Variants in CTDP1 observed in about 807,000 individuals in gnomAD.
CTDP1 encodes the protein CTD phosphatase 1, also known as RNA polymerase II subunit A C-terminal domain phosphatase.
Under a neutral mutation model 91.8 loss-of-function variants are expected in CTDP1, and 47 were observed. That is an observed-to-expected ratio of 0.51 (90% CI 0.41 to 0.65). CTDP1 has a LOEUF of 0.65. Ranked by LOEUF, CTDP1 falls within the 30% of genes least tolerant of loss-of-function variation. CTDP1 has a pLI of 0.00. For missense variants in CTDP1, 1,272 were observed against 1,373.7 expected (o/e 0.93, Z 1.17); for synonymous variants, 656 against 598.5 (o/e 1.10, Z -1.40).
At chr18:79,682,638 C>T (rs1231488037) in intron 1 of CTDP1, among the ~76,000 whole-genome samples, 1 of 152,204 alleles carries the variant, frequency 6.6e-6, no homozygotes, top group Admixed American at 6.5e-5. Context: ...ACACTGTTTG[C>T]TGGGTGTGGA....
chr18:79,702,063 C>G (rs1411541611), intron 4 of CTDP1, among the ~76,000 whole-genome samples: 2 of 152,242 alleles, frequency 1.3e-5, no homozygotes, highest in Admixed American at 1.3e-4. Context: ...AGTTGGTAAA[C>G]CAGCGGCAGG....
chr18:79,716,663 G>A (rs1006916554), intron 8 of CTDP1, among the ~76,000 whole-genome samples: 13 of 152,236 alleles, frequency 8.5e-5, no homozygotes, highest in African/African-American at 3.1e-4. Context: ...ATGGAGCTGG[G>A]CCAGGCCAGG....
intron 12 of CTDP1, among the ~76,000 whole-genome samples, 180 bp from the exon 13 acceptor site, chr18:79,753,472 C>T (rs2087040383): frequency 1.3e-5 from 2 of 152,238 alleles, no homozygotes; most frequent in African/African-American, 4.8e-5. Flanking sequence ...TGCGCTGGGG[C>T]TCTGCTGTCC....
chr18:79,739,278 T>C (rs1390831188), intron 12 of CTDP1, among the ~76,000 whole-genome samples: 1 of 152,218 alleles, frequency 6.6e-6, no homozygotes, highest in Non-Finnish European at 1.5e-5. Context: ...AGCCACGTCA[T>C]CCAGGATACG....
At chr18:79,686,534 A>G (rs1305614755) in intron 1 of CTDP1, among the ~76,000 whole-genome samples, 1 of 152,276 alleles carries the variant, frequency 6.6e-6, no homozygotes, top group East Asian at 1.9e-4. Flanking sequence ...TTAAATATAC[A>G]TCTAGCATCA....
chr18:79,680,525 C>G (rs564054883), intron 1 of CTDP1, among the ~76,000 whole-genome samples: 4 of 152,266 alleles, frequency 2.6e-5, no homozygotes, highest in Non-Finnish European at 4.4e-5. Flanking sequence ...TTGTTTCTTT[C>G]TTTCTGCAGT....
At chr18:79,725,881 C>T (rs993035395) in intron 10 of CTDP1, among the ~76,000 whole-genome samples, 4 of 152,200 alleles carry the variant, frequency 2.6e-5, no homozygotes, top group Non-Finnish European at 5.9e-5. Flanking sequence ...GATGAGTGAT[C>T]TTCTGTCTTT....
At chr18:79,731,286 G>A (rs747766420) in intron 11 of CTDP1, among the ~76,000 whole-genome samples, 3 of 152,202 alleles carry the variant, frequency 2.0e-5, no homozygotes, top group Non-Finnish European at 4.4e-5. Context: ...TTTCCGGCGC[G>A]TCAGTGTGTT....
intron 8 of CTDP1, among the ~76,000 whole-genome samples, chr18:79,716,775 G>A (rs767859305): frequency 3.3e-5 from 5 of 152,254 alleles, no homozygotes; most frequent in Non-Finnish European, 5.9e-5. Flanking sequence ...TTGTGCTCAC[G>A]TTTCCTTTTT....
intron 10 of CTDP1, among the ~76,000 whole-genome samples, chr18:79,727,428 G>T (rs1439930186): frequency 6.6e-6 from 1 of 151,596 alleles, no homozygotes; most frequent in African/African-American, 2.4e-5. Context: ...AGCGTTCGTG[G>T]GGTGGGAAGC....
chr18:79,706,982 G>T (rs1202382907), intron 5 of CTDP1, among the ~76,000 whole-genome samples: 1 of 152,248 alleles, frequency 6.6e-6, no homozygotes, highest in Non-Finnish European at 1.5e-5. Flanking sequence ...TTCTCATTTC[G>T]GATTTCCTTC....
At chr18:79,705,389 G>A (rs2085947018) in intron 5 of CTDP1, among the ~76,000 whole-genome samples, 1 of 152,204 alleles carries the variant, frequency 6.6e-6, no homozygotes, top group Non-Finnish European at 1.5e-5. Context: ...CCTCTGGGAG[G>A]CAGCACCAGC....
chr18:79,714,549 G>T lies in CTDP1; in HGVS notation c.1089G>T (p.Glu363Asp). Residue 363 changes from glutamate (E) to aspartate (D), a missense_variant, in exon 8 of 13, where the codon GAG (glutamate) becomes GAT (aspartate). Glu to Asp is a conservative substitution (Grantham distance 45). Around this residue, in one of 3 missense-constraint regions of CTDP1, gnomAD observed 881 missense variants for 911.6 expected, o/e 0.97. Transcript: ENST00000613122. ...SEPSPPVRDP[E>D]GVTQAPGVEP... is the part of the protein sequence containing the mutation. The stretch of plus-strand genomic sequence containing the variant: ...CATCTCCGCCCGTGAGAGACCCTGA[G>T]GGGGTAACGCAGGCCCCTGGAGTGG... The T allele has an allele frequency of 6.2e-7, 1 of 1,613,148 alleles. No homozygotes were observed. Among genetic ancestry groups the T allele is most frequent in the Non-Finnish European group, 8.5e-7 (1 of 1,180,026 alleles).
Position 79,714,615 on chromosome 18 carries a change from C to G in CTDP1, c.1155C>G (p.Asn385Lys), listed in dbSNP as rs745490279. The G allele has an allele frequency of 3.1e-6, 5 of 1,612,872 alleles. No individual in the cohort carries two copies. The highest frequency in any genetic ancestry group is 1.7e-4 in the Middle Eastern group (1 of 6,054). ...NGLEKPAREL[N>K]GSEAATPRDS... ...TGGAGAAGCCTGCACGGGAGCTGAA[C>G]GGCAGCGAGGCCGCCACCCCGCGGG... The change falls in exon 8 of 13, where the codon AAC (asparagine) becomes AAG (lysine). Residue 385 changes from asparagine (N) to lysine (K), a missense_variant. Asn to Lys is a moderately conservative substitution (Grantham distance 94). Around this residue, in one of 3 missense-constraint regions of CTDP1, gnomAD observed 881 missense variants for 911.6 expected, o/e 0.97. Coordinates refer to ENST00000613122, the MANE Select transcript of CTDP1 (RefSeq NM_004715.5).
chr18:79,684,515 C>T (rs938655113), intron 1 of CTDP1, among the ~76,000 whole-genome samples: 26 of 152,066 alleles, frequency 1.7e-4, no homozygotes, highest in African/African-American at 4.8e-4. Flanking sequence ...TCCGTGCCCT[C>T]GTTGCCTGCA....
chr18:79,755,350 C>G (rs1044383416), downstream of CTDP1: 50 of 152,200 alleles, frequency 3.3e-4, 1 homozygote, highest in Admixed American at 3.3e-3. Flanking sequence ...AGACGCCGGT[C>G]AGGGAGTTCC....
intron 1 of CTDP1, among the ~76,000 whole-genome samples, chr18:79,689,165 GTCTT>G (rs755510619): frequency 1.3e-4 from 20 of 152,112 alleles, no homozygotes; most frequent in Non-Finnish European, 1.5e-5. Context: ...CAGCTCCTTC[GTCTT>G]TCTTTCTTTC....
chr18:79,752,453 G>A (rs2087022433), intron 12 of CTDP1, among the ~76,000 whole-genome samples: 1 of 51,814 alleles, frequency 1.9e-5, no homozygotes, highest in Non-Finnish European at 4.1e-5. Flanking sequence ...AGTGGCACCC[G>A]CTGGTTATGC....
intron 1 of CTDP1, among the ~76,000 whole-genome samples, chr18:79,681,887 G>A (rs1599176563): frequency 6.6e-6 from 1 of 152,304 alleles, no homozygotes; most frequent in Middle Eastern, 3.4e-3. Context: ...CCCCGTTTCT[G>A]TGTACTCCTG....
Sources: gnomAD v4.1 joint callset for allele counts (sites outside exome capture counted in the v4.1 genomes callset) on GRCh38, gnomAD v4.1.1 for gene constraint, gnomAD v4.1.1 regional missense constraint, MANE v1.5 for transcripts, NCBI Gene and HGNC (gene_info 2026-07-23, HGNC 2026-07-21) for gene names.